IMPA2: variants seen among roughly 807,000 people sequenced by gnomAD.
The protein encoded by IMPA2 is inositol monophosphatase 2.
In IMPA2, 32 loss-of-function variants were observed where a neutral mutation model predicts 35.1. That is an observed-to-expected ratio of 0.91 (90% CI 0.69 to 1.23). IMPA2 has a LOEUF of 1.23. Among genes scored for constraint, IMPA2 ranks in the 50% most tolerant of loss-of-function variants. The pLI is 0.00. For synonymous variants in IMPA2, 135 were observed against 160.6 expected (o/e 0.84, Z 1.20); for missense variants, 334 against 387.6 (o/e 0.86, Z 1.16).
At chr18:11,984,003 C>G (rs918134764) in intron 1 of IMPA2, among the ~76,000 whole-genome samples, 4 of 152,122 alleles carry the variant, frequency 2.6e-5, no homozygotes, top group Non-Finnish European at 5.9e-5. Context: ...TCACTAGCAC[C>G]CAGCATTCTA....
chr18:12,002,466 G>C (rs1367215419), intron 2 of IMPA2, among the ~76,000 whole-genome samples: 1 of 152,120 alleles, frequency 6.6e-6, no homozygotes, highest in East Asian at 1.9e-4. Flanking sequence ...CTGAATCAAA[G>C]AATGATAAGG....
intron 5 of IMPA2, among the ~76,000 whole-genome samples, chr18:12,024,337 A>G (rs947269199): frequency 9.9e-5 from 15 of 152,238 alleles, no homozygotes; most frequent in Non-Finnish European, 2.9e-5. Flanking sequence ...TACAAAAATT[A>G]GCTGGGCATG....
chr18:12,004,696 C>T (rs1478181867), intron 2 of IMPA2, among the ~76,000 whole-genome samples: 2 of 151,910 alleles, frequency 1.3e-5, no homozygotes, highest in African/African-American at 4.8e-5. Context: ...GGGTAATTTT[C>T]ATATTTTTAG....
At chr18:12,029,107 T>C in intron 7 of IMPA2, 114 bp downstream of exon 7, 1 of 661,686 alleles carries the variant, frequency 1.5e-6, no homozygotes, top group East Asian at 3.8e-5. Flanking sequence ...CCAGAGTTTC[T>C]GTTTTTTTTT....
chr18:12,019,338 C>A (rs1192112126), intron 5 of IMPA2, among the ~76,000 whole-genome samples: 1 of 151,802 alleles, frequency 6.6e-6, no homozygotes, highest in African/African-American at 2.4e-5. Flanking sequence ...CACTGCAACC[C>A]CTGCCTCCCA....
chr18:12,020,324 G>T (rs1224970225), intron 5 of IMPA2, among the ~76,000 whole-genome samples: 3 of 152,086 alleles, frequency 2.0e-5, no homozygotes, highest in Non-Finnish European at 4.4e-5. Context: ...CTCCCAAGTA[G>T]CTGGAATTAC....
intron 1 of IMPA2, among the ~76,000 whole-genome samples, chr18:11,985,332 T>G (rs1454268731): frequency 6.6e-6 from 1 of 152,200 alleles, no homozygotes; most frequent in Non-Finnish European, 1.5e-5. Context: ...GTAATACTTT[T>G]TGCCCTTTTT....
intron 2 of IMPA2, among the ~76,000 whole-genome samples, 165 bp from the exon 3 acceptor site, chr18:12,009,718 A>G (rs1304166742): frequency 6.6e-6 from 1 of 152,180 alleles, no homozygotes; most frequent in East Asian, 1.9e-4. Flanking sequence ...AGGCAGGTCA[A>G]AAAGCACATG....
chr18:11,989,484 C>G (rs1033028509), intron 1 of IMPA2, among the ~76,000 whole-genome samples: 9 of 152,232 alleles, frequency 5.9e-5, no homozygotes, highest in Admixed American at 3.9e-4. Flanking sequence ...GAGACAGCAG[C>G]TGGCAGGCAC....
intron 5 of IMPA2, among the ~76,000 whole-genome samples, chr18:12,023,116 T>C (rs1907782999): frequency 6.6e-6 from 1 of 151,992 alleles, no homozygotes; most frequent in Non-Finnish European, 1.5e-5. Flanking sequence ...CTTGATTTCA[T>C]GTGGGAAAAC....
chr18:12,012,226 G>A lies in IMPA2; in HGVS notation c.381+11G>A. ...GCTGTTCGACAAGAGGTGCGGGTGT[G>A]GCCCAGGTCCCCAGGGCCCCTCCCT... is the stretch of plus-strand genomic sequence containing the variant. On this transcript the variant is annotated intron_variant, in intron 4 of 7. Coordinates refer to ENST00000269159, the MANE Select transcript of IMPA2 (RefSeq NM_014214.3). The A allele has an allele frequency of 1.2e-6, 2 of 1,613,508 alleles. No individual in the cohort carries two copies. The highest frequency in any genetic ancestry group is 1.7e-6 in the Non-Finnish European group (2 of 1,179,432).
intron 5 of IMPA2, among the ~76,000 whole-genome samples, chr18:12,026,775 G>A (rs1432449049): frequency 6.6e-6 from 1 of 152,216 alleles, no homozygotes; most frequent in Non-Finnish European, 1.5e-5. Context: ...CCAGCTGTGG[G>A]TGGCAGCTGC....
At chr18:12,007,661 TTCTTTC>T (rs998541965) in intron 2 of IMPA2, among the ~76,000 whole-genome samples, 1 of 118,180 alleles carries the variant, frequency 8.5e-6, no homozygotes, top group African/African-American at 3.3e-5. Flanking sequence ...CTTTCTTTCT[TTCTTTC>T]TTTCTTTCTT....
In IMPA2 at chr18:11,981,537, G is replaced by A. The variant is rs1026890712; in HGVS notation, c.-133G>A. The A allele has an allele frequency of 1.9e-6, 1 of 536,780 alleles. No individual in the cohort carries two copies. The highest frequency in any genetic ancestry group is 2.8e-6 in the Non-Finnish European group (1 of 355,340). The allele number at this position is 536,780 out of a possible 1,614,324, so 33.3% of individuals were successfully genotyped here. On this transcript the variant is annotated 5_prime_UTR_variant, in exon 1 of 8. Transcript: ENST00000269159. Reference sequence around the variant, plus strand: ...TTCCCGCCAGCGCAGGTGTGGGACGGGCGGCGGACTAGGCACAGAGCTGCG... The same window carrying A: ...TTCCCGCCAGCGCAGGTGTGGGACGAGCGGCGGACTAGGCACAGAGCTGCG...
At chr18:12,009,459 T>G (rs1907372139) in intron 2 of IMPA2, among the ~76,000 whole-genome samples, 1 of 152,124 alleles carries the variant, frequency 6.6e-6, no homozygotes, top group Non-Finnish European at 1.5e-5. Context: ...GGTGCCCAGG[T>G]ATCAGCATTG....
intron 1 of IMPA2, chr18:11,993,885 C>A (rs2143783687): frequency 1.3e-5 from 2 of 152,360 alleles, no homozygotes; most frequent in East Asian, 3.9e-4. Flanking sequence ...GCCTTGCACA[C>A]CTGATGCAAG....
At chr18:12,009,642 T>C (rs1907376819) in intron 2 of IMPA2, among the ~76,000 whole-genome samples, 1 of 152,174 alleles carries the variant, frequency 6.6e-6, no homozygotes, top group Admixed American at 6.5e-5. Context: ...TCCCTGGTGC[T>C]CTTTCTGAAC....
intron 1 of IMPA2, among the ~76,000 whole-genome samples, chr18:11,983,845 A>G (rs1312455451): frequency 6.6e-6 from 1 of 152,150 alleles, no homozygotes; most frequent in Non-Finnish European, 1.5e-5. Context: ...ATTGTCTTCT[A>G]ATGCAATCGG....
intron 2 of IMPA2, among the ~76,000 whole-genome samples, chr18:12,009,533 C>T (rs1048178736): frequency 3.3e-5 from 5 of 152,134 alleles, no homozygotes; most frequent in African/African-American, 1.2e-4. Flanking sequence ...CAGCCTCCTC[C>T]CCTACAGACT....
Sources: gnomAD v4.1 joint callset for allele counts (sites outside exome capture counted in the v4.1 genomes callset) on GRCh38, gnomAD v4.1.1 for gene constraint, MANE v1.5 for transcripts, NCBI Gene and HGNC (gene_info 2026-07-23, HGNC 2026-07-21) for gene names.